The following BTBD10 variants were observed in gnomAD, a reference collection of about 807,000 sequenced individuals.
BTBD10 encodes the protein BTB domain containing 10, also known as BTB/POZ domain-containing protein 10.
Under a neutral mutation model 53.2 loss-of-function variants are expected in BTBD10, and 21 were observed. That is an observed-to-expected ratio of 0.39 (90% CI 0.28 to 0.57). BTBD10 has a LOEUF of 0.57. Ranked by LOEUF, BTBD10 falls within the 20% of genes least tolerant of loss-of-function variation. The probability of loss-of-function intolerance (pLI) is 0.53; values close to 1 mark genes in which losing one functional copy is unlikely to be tolerated. For missense variants in BTBD10, 360 were observed against 594.7 expected (o/e 0.61, Z 4.10); for synonymous variants, 149 against 192.7 (o/e 0.77, Z 1.88).
intron 2 of BTBD10, among the ~76,000 whole-genome samples, chr11:13,423,716 T>C (rs1457454356): frequency 6.6e-6 from 1 of 152,210 alleles, no homozygotes; most frequent in Non-Finnish European, 1.5e-5. Context: ...TTGATTTTAT[T>C]AGCTTTAATA....
intron 5 of BTBD10, among the ~76,000 whole-genome samples, chr11:13,414,028 A>T (rs1950029972): frequency 6.6e-6 from 1 of 152,220 alleles, no homozygotes; most frequent in African/African-American, 2.4e-5. Flanking sequence ...ACATTTTTTT[A>T]AAAAGTAAGG....
At chr11:13,459,225 T>A (rs1951039073) in intron 1 of BTBD10, among the ~76,000 whole-genome samples, 1 of 150,662 alleles carries the variant, frequency 6.6e-6, no homozygotes, top group Non-Finnish European at 1.5e-5. Flanking sequence ...CCCGGCTAAT[T>A]TTTTTTGTAT....
chr11:13,397,819 A>C (rs544866359), intron 8 of BTBD10, among the ~76,000 whole-genome samples: 5 of 152,032 alleles, frequency 3.3e-5, no homozygotes, highest in South Asian at 4.2e-4. Flanking sequence ...CATTCAGGAG[A>C]AGGTTGTTCA....
At position 13,420,327 on chromosome 11, in the gene BTBD10, A is replaced by T. The variant is rs952355767; in HGVS notation, c.299-582T>A. ...AGGGTAGTAAGAAGTATTTTTTTTT[A>T]ATGATTTTTATGTCTACCAAATAAA... On this transcript the variant is annotated intron_variant, in intron 3 of 8. Transcript: ENST00000278174. Among the ~76,000 whole-genome samples the T allele has an allele frequency of 5.9e-4, 88 of 149,670 alleles. 1 individual carries two copies. Among genetic ancestry groups the T allele is most frequent in the African/African-American group, 1.7e-3 (68 of 41,016 alleles).
At chr11:13,404,315 T>G (rs895547582) in intron 7 of BTBD10, among the ~76,000 whole-genome samples, 19 of 152,246 alleles carry the variant, frequency 1.2e-4, no homozygotes, top group African/African-American at 4.6e-4. Context: ...TTTAGACCAC[T>G]AAGTAAAAAT....
At chr11:13,424,545 A>C (rs557322540) in intron 2 of BTBD10, among the ~76,000 whole-genome samples, 1 of 152,336 alleles carries the variant, frequency 6.6e-6, no homozygotes, top group African/African-American at 2.4e-5. Flanking sequence ...TTAAAGGCAA[A>C]AATAGTTAAT....
chr11:13,439,880 A>G, intron 2 of BTBD10: 1 of 1,522,856 alleles, frequency 6.6e-7, no homozygotes, highest in East Asian at 2.5e-5. Flanking sequence ...AAATGAATAC[A>G]CACCTTCCTT....
At chr11:13,453,771 AGGCTG>A (rs963999124) in intron 1 of BTBD10, among the ~76,000 whole-genome samples, 4 of 152,204 alleles carry the variant, frequency 2.6e-5, no homozygotes, top group African/African-American at 7.2e-5. Context: ...AAGAAGAAAG[AGGCTG>A]GGTGCGGTGG....
chr11:13,413,744 C>G (rs557986202), intron 5 of BTBD10, 94 bp from the exon 6 acceptor site: 1 of 1,192,898 alleles, frequency 8.4e-7, no homozygotes, highest in East Asian at 2.6e-5. Flanking sequence ...TTTTCAGAAA[C>G]AGTAGAGAAC....
intron 5 of BTBD10, among the ~76,000 whole-genome samples, chr11:13,414,844 G>GAAAAAAAA (rs71041526): frequency 3.9e-4 from 33 of 85,090 alleles, no homozygotes; most frequent in South Asian, 5.5e-4. Context: ...CATCTCAAAC[G>GAAAAAAAA]AAAAAAAAAA....
chr11:13,440,181 A>T, intron 2 of BTBD10: 6 of 1,455,282 alleles, frequency 4.1e-6, no homozygotes, highest in Non-Finnish European at 5.5e-6. Context: ...ATTCAGAGAT[A>T]CAACCCCCTC....
chr11:13,447,559 C>G (rs1950773089), intron 1 of BTBD10, among the ~76,000 whole-genome samples: 2 of 152,176 alleles, frequency 1.3e-5, no homozygotes, highest in Non-Finnish European at 2.9e-5. Context: ...ATAAGCAAGG[C>G]AAATTCAGAT....
chr11:13,458,639 A>T (rs2134065726), intron 1 of BTBD10, among the ~76,000 whole-genome samples: 1 of 152,310 alleles, frequency 6.6e-6, no homozygotes, highest in Middle Eastern at 3.4e-3. Flanking sequence ...AATGGTTTTA[A>T]AGTTACTTTC....
At chr11:13,404,912 A>G (rs978066455) in intron 7 of BTBD10, among the ~76,000 whole-genome samples, 1 of 152,198 alleles carries the variant, frequency 6.6e-6, no homozygotes, top group African/African-American at 2.4e-5. Context: ...GGTACTTTCT[A>G]TATTAAACCC....
At chr11:13,392,212 C>A (rs1047617583) in intron 8 of BTBD10, among the ~76,000 whole-genome samples, 1 of 152,134 alleles carries the variant, frequency 6.6e-6, no homozygotes, top group African/African-American at 2.4e-5. Flanking sequence ...GTAAAGAATT[C>A]AGAAGATGAA....
intron 8 of BTBD10, among the ~76,000 whole-genome samples, chr11:13,402,208 G>T (rs1271545902): frequency 6.6e-6 from 1 of 152,108 alleles, no homozygotes; most frequent in African/African-American, 2.4e-5. Flanking sequence ...TCCTGTTTCT[G>T]GTTATTCTTC....
intron 6 of BTBD10, among the ~76,000 whole-genome samples, chr11:13,410,598 A>G (rs1414727569): frequency 6.6e-6 from 1 of 152,162 alleles, no homozygotes; most frequent in Non-Finnish European, 1.5e-5. Context: ...AAAATCTTCT[A>G]GCCAATTTGA....
At chr11:13,432,340 A>C (rs1950464215) in intron 2 of BTBD10, among the ~76,000 whole-genome samples, 1 of 150,298 alleles carries the variant, frequency 6.7e-6, no homozygotes, top group Non-Finnish European at 1.5e-5. Context: ...CCATGTAATA[A>C]AAAAAAGATA....
At chr11:13,461,927 A>G (rs926417507) in intron 1 of BTBD10, among the ~76,000 whole-genome samples, 47 of 146,398 alleles carry the variant, frequency 3.2e-4, no homozygotes, top group Non-Finnish European at 5.8e-4. Context: ...AATTCTTCTC[A>G]CACTTTTTTT....
Sources: allele counts gnomAD v4.1 joint callset (sites outside exome capture counted in the v4.1 genomes callset), GRCh38; gene constraint gnomAD v4.1.1; transcripts MANE v1.5; gene names NCBI Gene and HGNC (gene_info 2026-07-23, HGNC 2026-07-21).